The following CPED1 variants were observed in gnomAD, a reference collection of about 807,000 sequenced individuals.
CPED1 encodes cadherin like and PC-esterase domain containing 1, also known as cadherin-like and PC-esterase domain-containing protein 1.
Under a neutral mutation model 128.2 loss-of-function variants are expected in CPED1, and 114 were observed. The ratio of observed to expected loss-of-function variants is 0.89; its 90% CI spans 0.76 to 1.04. CPED1 has a LOEUF of 1.04. Ranked by LOEUF, CPED1 falls within the 50% of genes least tolerant of loss-of-function variation. The pLI is 0.00. For synonymous variants in CPED1, 462 were observed against 426.7 expected (o/e 1.08, Z -1.02); for missense variants, 1,211 against 1,207.1 (o/e 1.00, Z -0.05).
intron 16 of CPED1, among the ~76,000 whole-genome samples, chr7:121,167,646 G>C (rs1333936551): frequency 5.3e-5 from 8 of 151,006 alleles, no homozygotes; most frequent in African/African-American, 2.0e-4. Flanking sequence ...TGATATAAAA[G>C]TTAAATCATT....
chr7:121,117,501 CTCTTTT>C (rs1470629337), intron 7 of CPED1, among the ~76,000 whole-genome samples: 1 of 151,836 alleles, frequency 6.6e-6, no homozygotes, highest in African/African-American at 2.4e-5. Context: ...ATCTTTTTTT[CTCTTTT>C]TCTTCTATTG....
Position 121,076,286 on chromosome 7 carries a change from C to T in CPED1, c.616+11973C>T, listed in dbSNP as rs551744446. 3.9e-5 allele frequency among the ~76,000 whole-genome samples: 6 copies of T among 152,160 alleles called. No homozygotes were observed. In the South Asian group the frequency reaches 1.0e-3, roughly 26 times the overall value. On this transcript the variant is annotated intron_variant, in intron 5 of 22. Transcript: ENST00000310396. ...TCAAAAATATAATTCCCCACTCCTG[C>T]GAGACATAATTAACCATTTTAAATA...
chr7:120,989,286 A>G, intron 1 of CPED1, 105 bp from the exon 2 acceptor site: 1 of 287,954 alleles, frequency 3.5e-6, no homozygotes, highest in Non-Finnish European at 6.7e-6. Flanking sequence ...GTGAGTTGAA[A>G]GATGTGAGAA....
intron 16 of CPED1, among the ~76,000 whole-genome samples, chr7:121,174,560 A>G (rs1474553396): frequency 1.3e-5 from 2 of 151,182 alleles, no homozygotes; most frequent in African/African-American, 2.4e-5. Flanking sequence ...TCTGGGCTCT[A>G]TATTCTGTTC....
Position 121,129,464 on chromosome 7 carries a change from T to C in CPED1, c.1408-661T>C, listed in dbSNP as rs140702467. ...TTTTGGAGGATTCAGAGTAAGCTAA[T>C]TTCCCCAAAGATAATTGAGTTGGCA... On this transcript the variant is annotated intron_variant, in intron 11 of 22. Transcript: ENST00000310396. 7.7e-3 allele frequency among the ~76,000 whole-genome samples: 1,165 copies of C among 151,056 alleles called. 17 individuals carry two copies. The highest frequency in any genetic ancestry group is 0.026 in the African/African-American group (1,094 of 41,298).
chr7:121,035,791 C>T (rs1242762481), intron 3 of CPED1, among the ~76,000 whole-genome samples: 1 of 151,862 alleles, frequency 6.6e-6, no homozygotes, highest in African/African-American at 2.4e-5. Context: ...TGTGATCGCA[C>T]CACTGCACTC....
chr7:121,113,288 G>C (rs185039463), intron 7 of CPED1, among the ~76,000 whole-genome samples: 16 of 152,230 alleles, frequency 1.1e-4, no homozygotes, highest in Non-Finnish European at 1.8e-4. Context: ...AGAAATACTG[G>C]TTCTTGCTCT....
chr7:121,077,972 C>T (rs187093247), intron 5 of CPED1, among the ~76,000 whole-genome samples: 215 of 152,090 alleles, frequency 1.4e-3, no homozygotes, highest in Middle Eastern at 3.4e-3. Context: ...TCTTTTTATA[C>T]TCTGTTGTTC....
At chr7:121,259,756 A>C (rs369703119) in intron 18 of CPED1, among the ~76,000 whole-genome samples, 2 of 152,062 alleles carry the variant, frequency 1.3e-5, no homozygotes, top group East Asian at 3.9e-4. Context: ...TCAGTGGAAA[A>C]CAGTTCAGAA....
chr7:121,063,381 G>GAAAAAAAA (rs368502123), intron 4 of CPED1, among the ~76,000 whole-genome samples: 23 of 67,038 alleles, frequency 3.4e-4, no homozygotes, highest in African/African-American at 6.7e-4. Flanking sequence ...TGAAGAAACT[G>GAAAAAAAA]AAAAAAAAAA....
At chr7:121,138,031 C>A (rs1484100946) in intron 14 of CPED1, among the ~76,000 whole-genome samples, 1 of 151,974 alleles carries the variant, frequency 6.6e-6, no homozygotes, top group African/African-American at 2.4e-5. Context: ...TAACTTCGTT[C>A]ATGTTTTTAT....
chr7:120,991,792 A>C (rs2525741), intron 2 of CPED1, among the ~76,000 whole-genome samples: 47,874 of 152,062 alleles, frequency 0.31, 8,037 homozygotes, highest in African/African-American at 0.41. Context: ...ATTTCGTTTA[A>C]AAATGATTCA....
chr7:121,183,507 T>C (rs753675819), intron 16 of CPED1, among the ~76,000 whole-genome samples: 3 of 152,184 alleles, frequency 2.0e-5, no homozygotes, highest in Non-Finnish European at 4.4e-5. Flanking sequence ...CTGACAGTCT[T>C]CTGTAAATTC....
At chr7:121,215,497 A>G (rs933937725) in intron 16 of CPED1, among the ~76,000 whole-genome samples, 89 of 152,232 alleles carry the variant, frequency 5.8e-4, no homozygotes, top group Admixed American at 5.8e-3. Flanking sequence ...TTATCTTGGA[A>G]TATCATCCCA....
intron 16 of CPED1, among the ~76,000 whole-genome samples, chr7:121,228,649 T>C (rs1798072041): frequency 6.6e-6 from 1 of 151,526 alleles, no homozygotes; most frequent in Non-Finnish European, 1.5e-5. Flanking sequence ...ACTGGGTATC[T>C]AACCAGAAGA....
intron 3 of CPED1, among the ~76,000 whole-genome samples, chr7:121,032,990 A>G (rs182985945): frequency 6.6e-6 from 1 of 152,312 alleles, no homozygotes; most frequent in Admixed American, 6.5e-5. Flanking sequence ...GTTAGGATCC[A>G]AGGAGACCTA....
intron 5 of CPED1, among the ~76,000 whole-genome samples, chr7:121,087,685 G>C (rs1419418047): frequency 2.0e-5 from 1 of 50,756 alleles, no homozygotes; most frequent in Non-Finnish European, 3.8e-5. Context: ...TTTTTTGGCA[G>C]AGTCTTTCTC....
intron 16 of CPED1, among the ~76,000 whole-genome samples, chr7:121,179,483 A>G (rs779886728): frequency 6.6e-6 from 1 of 152,148 alleles, no homozygotes; most frequent in Admixed American, 6.6e-5. Flanking sequence ...CTGAAGTACT[A>G]TCACAATAGT....
intron 22 of CPED1, among the ~76,000 whole-genome samples, chr7:121,294,880 T>G (rs1792790073): frequency 6.6e-6 from 1 of 151,512 alleles, no homozygotes; most frequent in Non-Finnish European, 1.5e-5. Context: ...AGTTTAATAG[T>G]GCATAGGCAG....
Sources: allele counts gnomAD v4.1 joint callset (sites outside exome capture counted in the v4.1 genomes callset), GRCh38; gene constraint gnomAD v4.1.1; transcripts MANE v1.5; gene names NCBI Gene and HGNC (gene_info 2026-07-23, HGNC 2026-07-21).